The following DPYD variants were observed in gnomAD, a reference collection of about 807,000 sequenced individuals.
DPYD encodes the protein dihydropyrimidine dehydrogenase.
In DPYD, 109 loss-of-function variants were observed where a neutral mutation model predicts 116.2. The ratio of observed to expected loss-of-function variants is 0.94; its 90% CI spans 0.80 to 1.10. DPYD has a LOEUF of 1.10. Among genes scored for constraint, DPYD ranks in the 50% least tolerant of loss-of-function variants. The probability of loss-of-function intolerance (pLI) is 0.00; values close to 1 mark genes in which losing one functional copy is unlikely to be tolerated. For synonymous variants in DPYD, 440 were observed against 432.0 expected, an observed-to-expected ratio of 1.02 and a Z score of -0.23; for missense variants, 1,302 against 1,254.5, an observed-to-expected ratio of 1.04 and a Z score of -0.57.
intron 10 of DPYD, among the ~76,000 whole-genome samples, chr1:97,591,911 C>T (rs1210465718): frequency 2.6e-5 from 4 of 151,094 alleles, no homozygotes; most frequent in African/African-American, 9.7e-5. Flanking sequence ...AAAAAGAAAC[C>T]TATGATCATA....
At chr1:97,572,961 A>T (rs1202243107) in intron 11 of DPYD, among the ~76,000 whole-genome samples, 1 of 152,040 alleles carries the variant, frequency 6.6e-6, no homozygotes, top group African/African-American at 2.4e-5. Flanking sequence ...GATTTTTGGT[A>T]TGGTTGTTCT....
intron 1 of DPYD, among the ~76,000 whole-genome samples, chr1:97,910,113 T>C (rs1339616481): frequency 2.0e-5 from 3 of 152,124 alleles, no homozygotes; most frequent in Non-Finnish European, 2.9e-5. Context: ...CTACTAGCCA[T>C]TCTGCATCAC....
chr1:97,339,820 G>A (rs1017792661), intron 16 of DPYD, among the ~76,000 whole-genome samples: 2 of 152,154 alleles, frequency 1.3e-5, no homozygotes, highest in African/African-American at 4.8e-5. Flanking sequence ...GTTTGTGTGT[G>A]TGTTTAATTA....
chr1:97,893,442 ATATATATATATATATATATAGC>A (rs1352163490), intron 1 of DPYD, among the ~76,000 whole-genome samples: 1 of 139,494 alleles, frequency 7.2e-6, no homozygotes, highest in African/African-American at 2.6e-5. Flanking sequence ...ATATATATAT[ATATATATATATATATATATAGC>A]AATGGAGATA....
At chr1:97,849,930 T>C (rs536467572) in intron 2 of DPYD, among the ~76,000 whole-genome samples, 4 of 152,316 alleles carry the variant, frequency 2.6e-5, no homozygotes, top group Non-Finnish European at 4.4e-5. Flanking sequence ...TCACATGTTG[T>C]TGTTGTCCTC....
chr1:97,874,219 G>GA (rs1287754278), intron 2 of DPYD, among the ~76,000 whole-genome samples: 11 of 151,732 alleles, frequency 7.2e-5, no homozygotes, highest in African/African-American at 2.4e-4. Context: ...TAGAACTTCA[G>GA]AAAAAATGAG....
chr1:97,670,572 A>G lies in DPYD; in HGVS notation c.850+8523T>C, dbSNP rs144988526. Among the ~76,000 whole-genome samples the G allele has an allele frequency of 1.5e-3, 229 of 152,304 alleles. 1 individual carries two copies. The highest frequency in any genetic ancestry group is 5.2e-3 in the African/African-American group (218 of 41,564). ...GCTGGCATTCTGATCTCAGACTTCTAGCCTCCAGAATTGTGAGAAAATAAA... is the reference window on the plus strand; with the variant it reads ...GCTGGCATTCTGATCTCAGACTTCTGGCCTCCAGAATTGTGAGAAAATAAA... On this transcript the variant is annotated intron_variant, in intron 8 of 22. Coordinates refer to ENST00000370192, the MANE Select transcript of DPYD (RefSeq NM_000110.4).
At chr1:97,436,166 T>C (rs181333743) in intron 14 of DPYD, among the ~76,000 whole-genome samples, 15 of 152,034 alleles carry the variant, frequency 9.9e-5, no homozygotes, top group South Asian at 2.1e-4. Flanking sequence ...TAAGAGAAGA[T>C]TGCATTAGAG....
In DPYD at chr1:97,595,047, A is replaced by G; in HGVS notation, c.958+12T>C. 1.9e-6 allele frequency: 3 copies of G among 1,592,084 alleles called. No individual in the cohort carries two copies. The highest frequency in any genetic ancestry group is 1.7e-6 in the Non-Finnish European group (2 of 1,160,274). On this transcript the variant is annotated intron_variant, in intron 9 of 22. Transcript: ENST00000370192. The stretch of plus-strand genomic sequence containing the variant: ...ATACTCACTATTAAGCATAAAAGAC[A>G]ATATGTTATACCTGCTTTACTGCCT...
chr1:97,809,531 G>A (rs772513339), intron 3 of DPYD, among the ~76,000 whole-genome samples: 5 of 152,112 alleles, frequency 3.3e-5, no homozygotes, highest in South Asian at 2.1e-4. Context: ...AATAGTTTCC[G>A]ATTGACTGAG....
At chr1:97,234,664 G>A (rs747534646) in intron 19 of DPYD, among the ~76,000 whole-genome samples, 188 bp downstream of exon 19, 30 of 152,112 alleles carry the variant, frequency 2.0e-4, no homozygotes, top group Non-Finnish European at 3.2e-4. Flanking sequence ...GCCCTCAACA[G>A]GACAGGAAAT....
chr1:97,197,093 T>C (rs1658870156), intron 19 of DPYD, among the ~76,000 whole-genome samples: 2 of 152,178 alleles, frequency 1.3e-5, no homozygotes, highest in Non-Finnish European at 2.9e-5. Flanking sequence ...GAAAAGAGTA[T>C]AGAATAACTA....
At chr1:97,815,715 G>A (rs995104258) in intron 3 of DPYD, among the ~76,000 whole-genome samples, 1 of 152,160 alleles carries the variant, frequency 6.6e-6, no homozygotes, top group African/African-American at 2.4e-5. Flanking sequence ...AGTGGCACCT[G>A]GAGAGGAAAA....
chr1:97,088,736 A>G (rs899786033), intron 21 of DPYD, among the ~76,000 whole-genome samples: 1 of 151,998 alleles, frequency 6.6e-6, no homozygotes, highest in Non-Finnish European at 1.5e-5. Context: ...GACAAGATAC[A>G]CCTTTCCATG....
chr1:97,346,790 G>A (rs1194176797), intron 16 of DPYD, among the ~76,000 whole-genome samples: 1 of 151,778 alleles, frequency 6.6e-6, no homozygotes, highest in Non-Finnish European at 1.5e-5. Flanking sequence ...TGTGTTCTGC[G>A]AGTTTGCTCA....
At chr1:97,662,611 C>T (rs780865973) in intron 8 of DPYD, among the ~76,000 whole-genome samples, 3 of 151,838 alleles carry the variant, frequency 2.0e-5, no homozygotes, top group Admixed American at 6.6e-5. Context: ...CCAGCCTGGG[C>T]GACAGATCGA....
chr1:97,856,345 G>A (rs1003049865), intron 2 of DPYD: 4 of 152,172 alleles, frequency 2.6e-5, no homozygotes, highest in Non-Finnish European at 5.9e-5. Flanking sequence ...CCCAAGGGAG[G>A]TGAAAAGATC....
chr1:97,873,046 G>A (rs988298862), intron 2 of DPYD, among the ~76,000 whole-genome samples: 1 of 151,658 alleles, frequency 6.6e-6, no homozygotes, highest in African/African-American at 2.4e-5. Context: ...TGAATTCTGA[G>A]ACCAGGCTAC....
intron 16 of DPYD, among the ~76,000 whole-genome samples, chr1:97,368,332 G>C (rs939192785): frequency 6.6e-6 from 1 of 152,206 alleles, no homozygotes; most frequent in Admixed American, 6.5e-5. Flanking sequence ...TGTATATAAG[G>C]GAGATGAATT....
Sources: allele counts gnomAD v4.1 joint callset (sites outside exome capture counted in the v4.1 genomes callset), GRCh38; gene constraint gnomAD v4.1.1; transcripts MANE v1.5; gene names NCBI Gene and HGNC (gene_info 2026-07-23, HGNC 2026-07-21).